The following DAB1 variants were observed in gnomAD, a reference collection of about 807,000 sequenced individuals.
The protein encoded by DAB1 is DAB adaptor protein 1, also known as disabled homolog 1.
DAB1 carries 15 observed loss-of-function variants against 64.6 expected under a neutral mutation model. The ratio of observed to expected loss-of-function variants is 0.23; its 90% CI spans 0.16 to 0.36. The LOEUF (loss-of-function observed/expected upper bound fraction) is 0.36, where lower values mean the gene tolerates loss of function less well. Ranked by LOEUF, DAB1 falls within the 10% of genes least tolerant of loss-of-function variation. The pLI is 1.00. For synonymous variants in DAB1, 235 were observed against 251.9 expected (o/e 0.93, Z 0.64); for missense variants, 596 against 706.7 (o/e 0.84, Z 1.78).
At chr1:57,196,368 C>G (rs982182594) in intron 2 of DAB1, among the ~76,000 whole-genome samples, 1 of 152,188 alleles carries the variant, frequency 6.6e-6, no homozygotes, top group South Asian at 2.1e-4. Flanking sequence ...TGCCAAGGCA[C>G]TTTCTTGGCA....
chr1:57,866,884 G>T (rs1654325193), intron 1 of DAB1: 1 of 152,152 alleles, frequency 6.6e-6, no homozygotes, highest in African/African-American at 2.4e-5. Flanking sequence ...TTGAAAGAAG[G>T]TAGCTGAGAG....
intron 5 of DAB1, among the ~76,000 whole-genome samples, chr1:58,072,878 G>A (rs550667220): frequency 5.3e-5 from 8 of 152,222 alleles, no homozygotes; most frequent in African/African-American, 1.7e-4. Context: ...TTCCAGATTC[G>A]GTGCTTCCAA....
chr1:58,321,955 C>A (rs140706260), intron 4 of DAB1, among the ~76,000 whole-genome samples: 1 of 152,226 alleles, frequency 6.6e-6, no homozygotes, highest in Non-Finnish European at 1.5e-5. Context: ...GACAGACTGC[C>A]TCCTCAAGTA....
intron 1 of DAB1, among the ~76,000 whole-genome samples, chr1:57,339,128 G>C (rs571313384): frequency 7.1e-6 from 1 of 140,820 alleles, no homozygotes; most frequent in Non-Finnish European, 1.5e-5. Flanking sequence ...AAAAAAATAC[G>C]GCTTCTTTCT....
chr1:58,187,596 T>C (rs2100218933), intron 4 of DAB1, among the ~76,000 whole-genome samples: 1 of 149,928 alleles, frequency 6.7e-6, no homozygotes, highest in South Asian at 2.1e-4. Context: ...TTATAATTTT[T>C]GAGAAAGAGT....
At chr1:57,812,335 A>AG (rs1553131584) in intron 6 of DAB1, among the ~76,000 whole-genome samples, 2 of 77,578 alleles carry the variant, frequency 2.6e-5, no homozygotes, top group Non-Finnish European at 5.3e-5. Context: ...AAAAAAAAAA[A>AG]AAAGAAAGAA....
chr1:57,183,330 CA>C (rs1428715736), intron 2 of DAB1, among the ~76,000 whole-genome samples: 1 of 152,114 alleles, frequency 6.6e-6, no homozygotes, highest in Admixed American at 6.5e-5. Flanking sequence ...GTTACACTGA[CA>C]CAAAACCCTG....
chr1:57,692,051 G>T (rs1172882021), intron 6 of DAB1, among the ~76,000 whole-genome samples: 1 of 152,018 alleles, frequency 6.6e-6, no homozygotes, highest in African/African-American at 2.4e-5. Flanking sequence ...TGAGCCAAGG[G>T]TTGACAGAGA....
chr1:57,427,448 C>T (rs1407888113), upstream of DAB1, among the ~76,000 whole-genome samples: 1 of 152,156 alleles, frequency 6.6e-6, no homozygotes, highest in Non-Finnish European at 1.5e-5. Flanking sequence ...TAACTATGCA[C>T]ATGATTTTCA....
intron 6 of DAB1, among the ~76,000 whole-genome samples, chr1:57,687,113 C>A (rs1345872945): frequency 1.8e-4 from 27 of 152,130 alleles, no homozygotes; most frequent in Admixed American, 1.8e-3. Context: ...TACCTCTCTT[C>A]ACTCATGATA....
At chr1:57,907,377 C>T (rs1045371187) in intron 5 of DAB1, among the ~76,000 whole-genome samples, 6 of 152,172 alleles carry the variant, frequency 3.9e-5, no homozygotes, top group African/African-American at 1.4e-4. Context: ...AACCAGAAAA[C>T]ATTAGGTCTC....
rs76699335 is a variant in DAB1, at chr1:58,464,910, C to T, written n.257+41150G>A. Among the ~76,000 whole-genome samples, 147 of 152,232 alleles carry T rather than the reference C, an allele frequency of 9.7e-4. 1 individual carries two copies. The East Asian group carries it at 0.028, about 29-fold the overall frequency. ...CAGGCTTCCTCTAATCACTGAATATCGGGGCAGGAGAGGACCTTAGAAACA... is the reference window on the plus strand; with the variant it reads ...CAGGCTTCCTCTAATCACTGAATATTGGGGCAGGAGAGGACCTTAGAAACA... On this transcript the variant is annotated intron_variant and non_coding_transcript_variant, in intron 3 of 20. Transcript: ENST00000485760.
intron 7 of DAB1, among the ~76,000 whole-genome samples, chr1:57,574,556 T>C (rs898666391): frequency 6.6e-6 from 1 of 152,210 alleles, no homozygotes; most frequent in African/African-American, 2.4e-5. Context: ...AGTACGAGAT[T>C]CAATTTCTGG....
chr1:58,041,113 C>T (rs1209926216), intron 5 of DAB1, among the ~76,000 whole-genome samples: 1 of 152,210 alleles, frequency 6.6e-6, no homozygotes, highest in African/African-American at 2.4e-5. Flanking sequence ...CCAAACCCAA[C>T]TCCTTCTTAA....
chr1:56,998,160 C>G (rs1464787888), intron 14 of DAB1, 32 bp from the exon 15 acceptor site: 1 of 152,594 alleles, frequency 6.6e-6, no homozygotes, highest in Non-Finnish European at 1.5e-5. Context: ...GAGGCCTGCT[C>G]TTTACACTTG....
chr1:57,164,615 A>T (rs1661058960), intron 2 of DAB1, among the ~76,000 whole-genome samples: 1 of 152,114 alleles, frequency 6.6e-6, no homozygotes, highest in Non-Finnish European at 1.5e-5. Flanking sequence ...GTAACATGTA[A>T]ATGTAGAATT....
intron 7 of DAB1, among the ~76,000 whole-genome samples, chr1:57,486,176 G>A (rs1466590554): frequency 6.6e-6 from 1 of 152,182 alleles, no homozygotes; most frequent in Non-Finnish European, 1.5e-5. Flanking sequence ...CCAAAACACA[G>A]TTAAAAGATG....
intron 4 of DAB1, among the ~76,000 whole-genome samples, chr1:58,268,819 T>C (rs1214139010): frequency 6.6e-6 from 1 of 152,252 alleles, no homozygotes; most frequent in African/African-American, 2.4e-5. Flanking sequence ...CAATCTTAAA[T>C]AGGAACAAAG....
intron 6 of DAB1, among the ~76,000 whole-genome samples, chr1:57,810,724 TC>T (rs1177909140): frequency 1.3e-5 from 2 of 152,198 alleles, no homozygotes; most frequent in African/African-American, 4.8e-5. Context: ...GTCCTGTACT[TC>T]CCTAAAAGTA....
Sources: gnomAD v4.1 joint callset for allele counts (sites outside exome capture counted in the v4.1 genomes callset) on GRCh38, gnomAD v4.1.1 for gene constraint, MANE v1.5 for transcripts, NCBI Gene and HGNC (gene_info 2026-07-23, HGNC 2026-07-21) for gene names.